PSD3: variants seen among roughly 807,000 people sequenced by gnomAD.
PSD3 encodes the protein PH and SEC7 domain-containing protein 3.
In PSD3, 49 loss-of-function variants were observed where a neutral mutation model predicts 105.5. The observed-to-expected ratio is 0.46, with a 90% CI of 0.37 to 0.59. The LOEUF is 0.59. Ranked by LOEUF, PSD3 falls within the 20% of genes least tolerant of loss-of-function variation. The probability of loss-of-function intolerance (pLI) is 0.00; values close to 1 mark genes in which losing one functional copy is unlikely to be tolerated. For missense variants in PSD3, 1,561 were observed against 1,263.8 expected, an observed-to-expected ratio of 1.24 and a Z score of -3.57; for synonymous variants, 557 against 457.8, an observed-to-expected ratio of 1.22 and a Z score of -2.77.
chr8:18,712,017 T>A (rs1386406062), intron 9 of PSD3, among the ~76,000 whole-genome samples: 1 of 152,204 alleles, frequency 6.6e-6, no homozygotes, highest in Non-Finnish European at 1.5e-5. Context: ...AACCTGCTTC[T>A]GAATGACTCC....
intron 2 of PSD3, among the ~76,000 whole-genome samples, chr8:18,908,122 G>A (rs1819964826): frequency 6.6e-6 from 1 of 152,102 alleles, no homozygotes; most frequent in Non-Finnish European, 1.5e-5. Flanking sequence ...AAGATAACCA[G>A]ATGTAGTTTC....
At chr8:18,816,452 C>G (rs369023187) in intron 4 of PSD3, among the ~76,000 whole-genome samples, 1 of 152,166 alleles carries the variant, frequency 6.6e-6, no homozygotes, top group Admixed American at 6.5e-5. Context: ...GGCTTTCTAA[C>G]CGATATTACT....
At chr8:18,653,289 GTCT>G (rs369049987) in intron 10 of PSD3, among the ~76,000 whole-genome samples, 84 of 151,754 alleles carry the variant, frequency 5.5e-4, no homozygotes, top group African/African-American at 1.9e-3. Context: ...CCACTATAGT[GTCT>G]TCTTCTAATT....
chr8:18,544,285 G>C (rs962318636), intron 15 of PSD3, among the ~76,000 whole-genome samples: 1 of 151,124 alleles, frequency 6.6e-6, no homozygotes, highest in African/African-American at 2.4e-5. Context: ...GATGATGGCA[G>C]AATTGAGTTG....
chr8:19,059,792 A>T (rs1828835211), intron 1 of PSD3, among the ~76,000 whole-genome samples: 1 of 152,224 alleles, frequency 6.6e-6, no homozygotes, highest in South Asian at 2.1e-4. Context: ...TTTCTCTTGG[A>T]TCATTTGCTT....
chr8:18,945,406 A>C (rs535783571), intron 1 of PSD3, among the ~76,000 whole-genome samples: 5 of 152,312 alleles, frequency 3.3e-5, no homozygotes, highest in African/African-American at 1.2e-4. Flanking sequence ...AGATGGAGGA[A>C]GGGGCTGTGA....
At chr8:19,075,439 AT>A (rs1829435970) in intron 1 of PSD3, among the ~76,000 whole-genome samples, 1 of 152,210 alleles carries the variant, frequency 6.6e-6, no homozygotes, top group South Asian at 2.1e-4. Flanking sequence ...TTTCAGACCA[AT>A]TCACTGCATG....
chr8:18,566,283 G>C (rs758597503), intron 14 of PSD3, among the ~76,000 whole-genome samples: 16 of 152,144 alleles, frequency 1.1e-4, no homozygotes, highest in Non-Finnish European at 2.1e-4. Flanking sequence ...CCAGCACTTT[G>C]GGAGGCCGAG....
chr8:18,572,803 G>A, intron 13 of PSD3, 131 bp from the exon 14 acceptor site: 1 of 1,019,596 alleles, frequency 9.8e-7, no homozygotes. Flanking sequence ...ACTAATCCCT[G>A]ACAAAACTTC....
intron 7 of PSD3, among the ~76,000 whole-genome samples, chr8:18,800,317 G>A (rs1296382797): frequency 6.6e-6 from 1 of 152,180 alleles, no homozygotes; most frequent in African/African-American, 2.4e-5. Context: ...GGTCTGAATA[G>A]CATCAGTTTA....
chr8:19,047,583 CA>C (rs931301999), intron 1 of PSD3, among the ~76,000 whole-genome samples: 6 of 152,050 alleles, frequency 3.9e-5, no homozygotes, highest in South Asian at 2.1e-4. Flanking sequence ...GGGAGGGAAA[CA>C]CAATCTTTGC....
At chr8:19,039,344 A>C (rs2129476620) in intron 1 of PSD3, among the ~76,000 whole-genome samples, 1 of 152,280 alleles carries the variant, frequency 6.6e-6, no homozygotes, top group Middle Eastern at 3.4e-3. Flanking sequence ...TTCTAACAGC[A>C]CATGATATCT....
At chr8:18,606,998 A>T (rs1804887176) in intron 11 of PSD3, among the ~76,000 whole-genome samples, 2 of 152,228 alleles carry the variant, frequency 1.3e-5, no homozygotes, top group Admixed American at 1.3e-4. Flanking sequence ...TTTCAAAGCT[A>T]CTGTACAGGA....
At chr8:18,867,277 C>A (rs1817011522) in intron 4 of PSD3, among the ~76,000 whole-genome samples, 1 of 152,202 alleles carries the variant, frequency 6.6e-6, no homozygotes, top group Admixed American at 6.5e-5. Flanking sequence ...ATGAAGGAAT[C>A]TCTGAGCTAA....
chr8:19,028,413 C>T (rs547919762), intron 1 of PSD3, among the ~76,000 whole-genome samples: 1 of 150,372 alleles, frequency 6.7e-6, no homozygotes, highest in Non-Finnish European at 1.5e-5. Context: ...AGTGCAGTGG[C>T]GTGATTGTAA....
intron 4 of PSD3, among the ~76,000 whole-genome samples, chr8:18,857,283 G>A (rs796343217): frequency 2.1e-4 from 32 of 152,262 alleles, no homozygotes; most frequent in African/African-American, 6.5e-4. Flanking sequence ...TCCAGTAAAC[G>A]CTTCCCAAAC....
rs898966587 is a variant in PSD3, at chr8:18,875,655, G to C, written c.131-2922C>G. On this transcript the variant is annotated intron_variant, in intron 2 of 15. Transcript: ENST00000327040. ...GGATACACGCCATTCTCCTGCCTCA[G>C]CCTCCCGAGGAGCTGGGATACAGGT... Among the ~76,000 whole-genome samples the C allele has an allele frequency of 1.2e-4, 19 of 152,076 alleles. No homozygotes were observed. In the East Asian group the frequency reaches 3.3e-3, roughly 26 times the overall value.
intron 9 of PSD3, among the ~76,000 whole-genome samples, chr8:18,656,109 G>A (rs1585520766): frequency 6.6e-6 from 1 of 152,272 alleles, no homozygotes; most frequent in Admixed American, 6.5e-5. Flanking sequence ...CCAGGCTGGA[G>A]TGCAACGGCA....
At position 18,535,699 on chromosome 8, in the gene PSD3, C is replaced by T; in HGVS notation, c.*44G>A. ...GATTACCAGAAAGATCTTGAAAAAC[C>T]CTATTTTGCTCCATGACCAGCACTT... On this transcript the variant is annotated 3_prime_UTR_variant, in exon 16 of 16. Transcript: ENST00000327040. 1.3e-6 allele frequency: 2 copies of T among 1,483,524 alleles called. No individual in the cohort carries two copies. The highest frequency in any genetic ancestry group is 1.1e-5 in the South Asian group (1 of 88,408). 91.9% of individuals were successfully genotyped at this position (1,483,524 alleles called of 1,614,324 possible).
Sources: allele counts gnomAD v4.1 joint callset (sites outside exome capture counted in the v4.1 genomes callset), GRCh38; gene constraint gnomAD v4.1.1; transcripts MANE v1.5; gene names NCBI Gene and HGNC (gene_info 2026-07-23, HGNC 2026-07-21).